Variants in ADAMTS9 observed in about 807,000 individuals in gnomAD.
ADAMTS9 encodes ADAM metallopeptidase with thrombospondin type 1 motif 9.
In ADAMTS9, 107 loss-of-function variants were observed where a neutral mutation model predicts 257.1. The observed-to-expected ratio is 0.42, with a 90% CI of 0.36 to 0.49. ADAMTS9 has a LOEUF of 0.49. Among genes scored for constraint, ADAMTS9 ranks in the 20% least tolerant of loss-of-function variants. The pLI, the probability that ADAMTS9 is intolerant of heterozygous loss-of-function variation, is 0.03. For synonymous variants in ADAMTS9, 982 were observed against 880.9 expected, an observed-to-expected ratio of 1.11 and a Z score of -2.03; for missense variants, 2,353 against 2,469.1, an observed-to-expected ratio of 0.95 and a Z score of 1.00.
chr3:64,600,714 G>A (rs1190273945), intron 26 of ADAMTS9, among the ~76,000 whole-genome samples: 1 of 152,196 alleles, frequency 6.6e-6, no homozygotes, highest in Non-Finnish European at 1.5e-5. Flanking sequence ...AAGCAAGAGA[G>A]GGGGATGGGA....
At chr3:64,540,587 T>C (rs2083107972) in intron 36 of ADAMTS9, among the ~76,000 whole-genome samples, 1 of 152,204 alleles carries the variant, frequency 6.6e-6, no homozygotes, top group Admixed American at 6.5e-5. Context: ...GTGGTGAATG[T>C]TGCCCATGAA....
At chr3:64,550,861 C>A in intron 31 of ADAMTS9, 31 bp downstream of exon 31, 2 of 1,612,068 alleles carry the variant, frequency 1.2e-6, no homozygotes, top group Non-Finnish European at 1.7e-6. Context: ...CATGGCTGAG[C>A]TGACGATGGT....
At chr3:64,639,074 CTG>C (rs1700571704) in intron 12 of ADAMTS9, among the ~76,000 whole-genome samples, 1 of 151,964 alleles carries the variant, frequency 6.6e-6, no homozygotes, top group African/African-American at 2.4e-5. Flanking sequence ...ACCATCTGCT[CTG>C]TGAATTTCTC....
chr3:64,564,077 G>A (rs2083478845), intron 29 of ADAMTS9, among the ~76,000 whole-genome samples: 2 of 152,284 alleles, frequency 1.3e-5, no homozygotes, highest in African/African-American at 4.8e-5. Flanking sequence ...AAGTTTTCTT[G>A]TTCTGTTCAG....
chr3:64,561,659 T>C lies in ADAMTS9; in HGVS notation c.4617A>G (p.Pro1539=), dbSNP rs768313543. 2.5e-6 allele frequency: 4 copies of C among 1,614,020 alleles called. No individual in the cohort carries two copies. The highest frequency in any genetic ancestry group is 4.5e-5 in the East Asian group (2 of 44,850). ...CGCGTTCCGACTCCGGTCTGGTGTATGGGTTGCACTCGGTCTCTCTGGCTA... is the reference window on the plus strand; with the variant it reads ...CGCGTTCCGACTCCGGTCTGGTGTACGGGTTGCACTCGGTCTCTCTGGCTA... ...HKIARETECN[P]YTRPESERDC... is the part of the protein sequence containing the mutation. Residue 1539 remains proline, a synonymous_variant, in exon 30 of 40, where the codon CCA becomes CCG. Coordinates refer to ENST00000498707, the MANE Select transcript of ADAMTS9 (RefSeq NM_182920.2).
chr3:64,599,260 T>G (rs983647255), intron 26 of ADAMTS9, among the ~76,000 whole-genome samples: 1 of 152,246 alleles, frequency 6.6e-6, no homozygotes, highest in South Asian at 2.1e-4. Context: ...CAGGGATTCT[T>G]AGTTCCATTT....
chr3:64,572,192 C>T (rs2083705570), intron 28 of ADAMTS9, among the ~76,000 whole-genome samples: 1 of 152,158 alleles, frequency 6.6e-6, no homozygotes, highest in South Asian at 2.1e-4. Context: ...CTTAGCAGCA[C>T]CAAGGTCAGC....
intron 38 of ADAMTS9, among the ~76,000 whole-genome samples, chr3:64,523,906 A>G (rs1359801885): frequency 6.6e-6 from 1 of 152,206 alleles, no homozygotes; most frequent in Non-Finnish European, 1.5e-5. Flanking sequence ...CTGTAATTCA[A>G]CACTTAATGG....
chr3:64,676,742 C>T (rs1311605370), intron 3 of ADAMTS9, among the ~76,000 whole-genome samples: 1 of 152,178 alleles, frequency 6.6e-6, no homozygotes, highest in Non-Finnish European at 1.5e-5. Context: ...TACTGGATCT[C>T]GTTCATAAAC....
chr3:64,656,096 T>C (rs1701062587), intron 4 of ADAMTS9: 1 of 437,098 alleles, frequency 2.3e-6, no homozygotes, highest in Non-Finnish European at 4.2e-6. Context: ...CAAATTTAAA[T>C]TCCTCTGAAA....
intron 3 of ADAMTS9, among the ~76,000 whole-genome samples, chr3:64,673,776 C>T (rs1016682567): frequency 4.0e-5 from 6 of 151,874 alleles, no homozygotes; most frequent in Admixed American, 2.0e-4. Flanking sequence ...AAAGATTTAT[C>T]ATGAAATATT....
At chr3:64,660,610 C>T (rs188484959) in intron 3 of ADAMTS9, among the ~76,000 whole-genome samples, 1 of 152,286 alleles carries the variant, frequency 6.6e-6, no homozygotes, top group African/African-American at 2.4e-5. Flanking sequence ...TAGCTATATA[C>T]ACACCCCACC....
chr3:64,621,121 C>T lies in ADAMTS9; in HGVS notation c.2806G>A (p.Asp936Asn). 1 of 1,610,334 alleles carries T rather than the reference C, an allele frequency of 6.2e-7. No homozygotes were observed. Among genetic ancestry groups the T allele is most frequent in the Non-Finnish European group, 8.5e-7 (1 of 1,178,610 alleles). The change falls in exon 19 of 40, where the codon GAC becomes AAC. Residue 936 changes from aspartate (D) to asparagine (N), a missense_variant. Transcript: ENST00000498707. ...HITEPCGTDC[D>N]LRWHVASRSE... is the part of the protein sequence containing the mutation. ...GAGAAAACAGTGGCCCACCTCAGGTCACAGTCTGTACCACAGGGTTCAGTA... is the reference window on the plus strand; with the variant it reads ...GAGAAAACAGTGGCCCACCTCAGGTTACAGTCTGTACCACAGGGTTCAGTA...
rs566119819 is a variant in ADAMTS9, at chr3:64,577,377, A to G, written c.4357-8842T>C. ...AAGGTTTACCGGGTGATTATTTGTA[A>G]CCTGACATCAGCAGAATAATGATGT... On this transcript the variant is annotated intron_variant, in intron 28 of 39. Transcript: ENST00000498707. Among the ~76,000 whole-genome samples the G allele has an allele frequency of 3.3e-5, 5 of 152,310 alleles. No individual in the cohort carries two copies. The South Asian group carries it at 8.3e-4, about 25-fold the overall frequency.
chr3:64,667,604 G>A (rs1023360296), intron 3 of ADAMTS9, among the ~76,000 whole-genome samples: 4 of 152,162 alleles, frequency 2.6e-5, no homozygotes, highest in Non-Finnish European at 5.9e-5. Context: ...AGCTACCTGG[G>A]GAGTTAAATT....
chr3:64,681,436 T>G (rs1559825914), intron 2 of ADAMTS9, 73 bp from the exon 3 acceptor site: 1 of 1,480,726 alleles, frequency 6.8e-7, no homozygotes, highest in Non-Finnish European at 9.1e-7. Flanking sequence ...CAAAAGAACA[T>G]TTTCAAGTAG....
At chr3:64,619,543 G>T (rs748335105) in intron 19 of ADAMTS9, among the ~76,000 whole-genome samples, 12 of 152,006 alleles carry the variant, frequency 7.9e-5, no homozygotes, top group Non-Finnish European at 1.6e-4. Context: ...AAAGTGGTAA[G>T]AATAATAATA....
chr3:64,552,572 TTCC>T (rs1360886677), intron 30 of ADAMTS9, among the ~76,000 whole-genome samples: 1 of 148,822 alleles, frequency 6.7e-6, no homozygotes, highest in Admixed American at 7.5e-5. Context: ...TTTCTTTTCT[TTCC>T]TTTTTTTTTT....
chr3:64,660,328 T>A (rs1328891627), intron 3 of ADAMTS9, among the ~76,000 whole-genome samples: 1 of 152,230 alleles, frequency 6.6e-6, no homozygotes, highest in Non-Finnish European at 1.5e-5. Context: ...TTGACCATTA[T>A]AACCAATTGC....
Sources: allele counts gnomAD v4.1 joint callset (sites outside exome capture counted in the v4.1 genomes callset), GRCh38; gene constraint gnomAD v4.1.1; transcripts MANE v1.5; gene names NCBI Gene and HGNC (gene_info 2026-07-23, HGNC 2026-07-21).